The following PRR16 variants were observed in gnomAD, a reference collection of about 807,000 sequenced individuals.
PRR16 encodes the protein protein Largen.
In PRR16, 6 loss-of-function variants were observed where a neutral mutation model predicts 18.2. The ratio of observed to expected loss-of-function variants is 0.33; its 90% CI spans 0.18 to 0.65. PRR16 has a LOEUF of 0.65. Ranked by LOEUF, PRR16 falls within the 30% of genes least tolerant of loss-of-function variation. PRR16 has a pLI of 0.74. For missense variants in PRR16, 412 were observed against 376.6 expected, an observed-to-expected ratio of 1.09 and a Z score of -0.78; for synonymous variants, 151 against 147.8, an observed-to-expected ratio of 1.02 and a Z score of -0.16.
At chr5:120,543,419 A>C (rs555137996) in intron 1 of PRR16, among the ~76,000 whole-genome samples, 1 of 152,148 alleles carries the variant, frequency 6.6e-6, no homozygotes, top group Non-Finnish European at 1.5e-5. Flanking sequence ...TTATGGAAAC[A>C]CTTCTCATTT....
chr5:120,691,591 A>T (rs975635604), downstream of PRR16, among the ~76,000 whole-genome samples: 2 of 152,106 alleles, frequency 1.3e-5, no homozygotes, highest in African/African-American at 4.8e-5. Flanking sequence ...AATTTCATCT[A>T]TTTAACATTG....
chr5:120,719,213 A>G, the PRR16 span, among the ~76,000 whole-genome samples: 1 of 152,072 alleles, frequency 6.6e-6, no homozygotes, highest in Non-Finnish European at 1.5e-5. Context: ...TCTTCATTAT[A>G]TTGTTAGACT....
chr5:120,577,224 C>A (rs1412394225), intron 1 of PRR16, among the ~76,000 whole-genome samples: 1 of 151,856 alleles, frequency 6.6e-6, no homozygotes, highest in Non-Finnish European at 1.5e-5. Flanking sequence ...CCAAGAAATT[C>A]CTAATAGCAA....
chr5:120,741,783 T>G, the PRR16 span, among the ~76,000 whole-genome samples: 1 of 152,118 alleles, frequency 6.6e-6, no homozygotes, highest in Non-Finnish European at 1.5e-5. Flanking sequence ...GTATTTTTAG[T>G]AGAGACGGGT....
chr5:120,526,255 A>G (rs1263997083), intron 1 of PRR16, among the ~76,000 whole-genome samples: 1 of 152,144 alleles, frequency 6.6e-6, no homozygotes, highest in Non-Finnish European at 1.5e-5. Flanking sequence ...TTCATACACC[A>G]GATTCCGTTC....
intron 1 of PRR16, among the ~76,000 whole-genome samples, chr5:120,610,977 C>T (rs562594066): frequency 3.9e-5 from 6 of 152,170 alleles, no homozygotes; most frequent in South Asian, 2.1e-4. Flanking sequence ...ATGCTGATAG[C>T]GATATGGACA....
chr5:120,512,781 A>G (rs1750870606), intron 1 of PRR16, among the ~76,000 whole-genome samples: 1 of 152,192 alleles, frequency 6.6e-6, no homozygotes, highest in Non-Finnish European at 1.5e-5. Context: ...AAAGGAGACC[A>G]AAGTGAGAGT....
chr5:120,580,957 TTCA>T (rs748027720), intron 1 of PRR16, among the ~76,000 whole-genome samples: 12 of 152,242 alleles, frequency 7.9e-5, no homozygotes, highest in Non-Finnish European at 1.8e-4. Context: ...CACATCAACA[TTCA>T]TCAGGGATAT....
At chr5:120,600,883 G>A (rs936805806) in intron 1 of PRR16, among the ~76,000 whole-genome samples, 9 of 151,958 alleles carry the variant, frequency 5.9e-5, no homozygotes, top group South Asian at 2.1e-4. Context: ...GCTTGCATCC[G>A]TGTTGCATCA....
chr5:120,668,785 C>T (rs993290638), intron 1 of PRR16, among the ~76,000 whole-genome samples: 1 of 152,124 alleles, frequency 6.6e-6, no homozygotes, highest in Admixed American at 6.6e-5. Context: ...TATTGGCCCC[C>T]ACTCTCTTCT....
chr5:120,519,706 G>C (rs934447336), intron 1 of PRR16, among the ~76,000 whole-genome samples: 1 of 151,960 alleles, frequency 6.6e-6, no homozygotes, highest in Admixed American at 6.6e-5. Flanking sequence ...AACATCTCTT[G>C]TGCCAACAAT....
intron 1 of PRR16, among the ~76,000 whole-genome samples, chr5:120,469,318 C>G (rs903975475): frequency 6.6e-6 from 1 of 152,004 alleles, no homozygotes; most frequent in Non-Finnish European, 1.5e-5. Context: ...AGAATAATCT[C>G]GGAACTATTT....
chr5:120,636,042 A>ATAAT, intron 1 of PRR16, among the ~76,000 whole-genome samples: 1 of 152,182 alleles, frequency 6.6e-6, no homozygotes, highest in Middle Eastern at 3.4e-3. Context: ...AAATAAATAA[A>ATAAT]TAAAATACTT....
chr5:120,643,298 C>T (rs975702736), intron 1 of PRR16, among the ~76,000 whole-genome samples: 3 of 151,922 alleles, frequency 2.0e-5, no homozygotes, highest in Non-Finnish European at 4.4e-5. Flanking sequence ...TGAGTTAAGT[C>T]GTTTGAAAAT....
At chr5:120,477,280 C>T (rs1749472577) in intron 1 of PRR16, among the ~76,000 whole-genome samples, 1 of 152,024 alleles carries the variant, frequency 6.6e-6, no homozygotes, top group Non-Finnish European at 1.5e-5. Context: ...GGCTAAGAGA[C>T]ATCTTAATTT....
chr5:120,464,346 G>T lies in PRR16; in HGVS notation c.-141G>T. On this transcript the variant is annotated 5_prime_UTR_variant, in exon 1 of 2. Transcript: ENST00000407149. ...GCGGCCGCCCGGCCGAGCGCGGAGCGCAGCCACTCGCCGCTGCCCAGGGAG... is the reference window on the plus strand; with the variant it reads ...GCGGCCGCCCGGCCGAGCGCGGAGCTCAGCCACTCGCCGCTGCCCAGGGAG... 1.1e-6 allele frequency: 1 copy of T among 896,628 alleles called. No individual in the cohort carries two copies. The highest frequency in any genetic ancestry group is 1.5e-6 in the Non-Finnish European group (1 of 650,822). The allele number at this position is 896,628 out of a possible 1,614,324, so 55.5% of individuals were successfully genotyped here.
the PRR16 span, among the ~76,000 whole-genome samples, chr5:120,741,617 T>G: frequency 6.6e-6 from 1 of 152,132 alleles, no homozygotes; most frequent in Admixed American, 6.5e-5. Flanking sequence ...TTTGTTTTGT[T>G]TTTTGACAGT....
intron 1 of PRR16, among the ~76,000 whole-genome samples, chr5:120,499,758 C>G (rs1348009271): frequency 6.9e-6 from 1 of 145,008 alleles, no homozygotes; most frequent in African/African-American, 2.7e-5. Context: ...TTGATATCTA[C>G]TGATTATCTT....
rs372136712 is a variant in PRR16 at position 120,637,317 on chromosome 5, G to GAAAAAAA, written c.160-48617_160-48611dup. 4.8e-5 allele frequency among the ~76,000 whole-genome samples: 3 copies of GAAAAAAA among 62,636 alleles called. 1 individual carries two copies. Among genetic ancestry groups the GAAAAAAA allele is most frequent in the Non-Finnish European group, 8.1e-5 (3 of 36,984 alleles). 41.1% of individuals were successfully genotyped at this position (62,636 alleles called of 152,430 possible). A position where few individuals can be genotyped will look rare whatever the true frequency, so the allele number is the denominator to read the frequency against. ...CCGGAGGAAAGTAAGCCATTATACGGAAAAAAAAAAAAAAAAAAAAAAAAA... is the reference window on the plus strand; with the variant it reads ...CCGGAGGAAAGTAAGCCATTATACGGAAAAAAAAAAAAAAAAAAAAAAAAAAAAAAAA... On this transcript the variant is annotated intron_variant, in intron 1 of 1. Coordinates refer to ENST00000407149, the MANE Select transcript of PRR16 (RefSeq NM_001300783.2).
Sources: gnomAD v4.1 joint callset for allele counts (sites outside exome capture counted in the v4.1 genomes callset) on GRCh38, gnomAD v4.1.1 for gene constraint, MANE v1.5 for transcripts, NCBI Gene and HGNC (gene_info 2026-07-23, HGNC 2026-07-21) for gene names.